The following PCDHA13 variants were observed in gnomAD, a reference collection of about 807,000 sequenced individuals.
The protein encoded by PCDHA13 is protocadherin alpha-13.
PCDHA13 carries 54 observed loss-of-function variants against 64.8 expected under a neutral mutation model. That is an observed-to-expected ratio of 0.83 (90% CI 0.67 to 1.04). The LOEUF (loss-of-function observed/expected upper bound fraction) is 1.04. Ranked by LOEUF, PCDHA13 falls within the 50% of genes least tolerant of loss-of-function variation. The probability of loss-of-function intolerance (pLI) is 0.00; values close to 1 mark genes in which losing one functional copy is unlikely to be tolerated. For missense variants in PCDHA13, 1,248 were observed against 1,254.3 expected (o/e 0.99, Z 0.08); for synonymous variants, 587 against 564.4 (o/e 1.04, Z -0.57).
At chr5:141,003,941 G>A (rs532794918) in intron 3 of PCDHA13, among the ~76,000 whole-genome samples, 1 of 152,236 alleles carries the variant, frequency 6.6e-6, no homozygotes, top group African/African-American at 2.4e-5. Flanking sequence ...TTTGCCTGAG[G>A]GTGAGCTAGG....
rs370989006 is a variant in PCDHA13, at chr5:141,009,739, C to G, written c.2655C>G (p.Pro885=). The G allele has an allele frequency of 1.2e-6, 2 of 1,614,010 alleles. No homozygotes were observed. Among genetic ancestry groups the G allele is most frequent in the Non-Finnish European group, 8.5e-7 (1 of 1,180,008 alleles). The change falls in exon 4 of 4, where the codon CCC becomes CCG. Residue 885 remains proline (P), a synonymous_variant. Transcript: ENST00000289272. ...AACAATCCGGTCCCGGTGAGTTGCCCGACAAATTCATTATCCCAGGATCTC... is the reference window on the plus strand; with the variant it reads ...AACAATCCGGTCCCGGTGAGTTGCCGGACAAATTCATTATCCCAGGATCTC... The part of the protein sequence containing the change: ...NPKQSGPGEL[P]DKFIIPGSPA...
At chr5:140,992,637 G>A (rs31872) in intron 3 of PCDHA13, among the ~76,000 whole-genome samples, 103,738 of 151,942 alleles carry the variant, frequency 0.68, 36,576 homozygotes, top group African/African-American at 0.86. Flanking sequence ...AACTTCCCTG[G>A]AAAATAGAAG....
At chr5:140,987,268 C>T (rs190952772) in intron 3 of PCDHA13, among the ~76,000 whole-genome samples, 177 of 151,894 alleles carry the variant, frequency 1.2e-3, no homozygotes, top group African/African-American at 4.1e-3. Flanking sequence ...GAATGGGACC[C>T]GGCAGTCTAT....
At chr5:140,891,330 T>G (rs995602420) in intron 1 of PCDHA13, among the ~76,000 whole-genome samples, 14 of 152,108 alleles carry the variant, frequency 9.2e-5, no homozygotes, top group Non-Finnish European at 1.9e-4. Flanking sequence ...TGGTGGTGAT[T>G]TGTGAGATTT....
chr5:140,891,934 T>C lies in PCDHA13; in HGVS notation c.2394+7272T>C, dbSNP rs373423866. Among the ~76,000 whole-genome samples the C allele has an allele frequency of 5.9e-5, 9 of 152,230 alleles. No homozygotes were observed. The East Asian group carries it at 9.6e-4, about 16-fold the overall frequency. ...AGATGCTGGTGCCTTGATCTTGGAC[T>C]TCCCCTAGGCTCCAGAATTGTGAGA... On this transcript the variant is annotated intron_variant, in intron 1 of 3. Transcript: ENST00000289272.
intron 3 of PCDHA13, among the ~76,000 whole-genome samples, chr5:140,988,469 G>A (rs2097299168): frequency 6.6e-6 from 1 of 152,150 alleles, no homozygotes; most frequent in Admixed American, 6.5e-5. Flanking sequence ...GGTGTGGGAA[G>A]GGGAATTAGC....
intron 1 of PCDHA13, among the ~76,000 whole-genome samples, chr5:140,893,560 T>C (rs964266537): frequency 4.6e-5 from 7 of 152,232 alleles, no homozygotes; most frequent in Admixed American, 4.6e-4. Flanking sequence ...AGTTGTAGTG[T>C]ACTTCCTCAG....
intron 1 of PCDHA13, chr5:140,926,610 C>A (rs2083401767): frequency 8.5e-6 from 3 of 352,484 alleles, no homozygotes; most frequent in African/African-American, 2.1e-5. Context: ...CTCGTCTCTG[C>A]ACCCCTAGGC....
intron 1 of PCDHA13, among the ~76,000 whole-genome samples, chr5:140,944,929 CT>C (rs2093712661): frequency 6.6e-6 from 1 of 152,052 alleles, no homozygotes; most frequent in Admixed American, 6.6e-5. Context: ...TGGTTTATGC[CT>C]TCTTTAGATG....
Position 141,009,653 on chromosome 5 carries a change from C to T in PCDHA13, c.2569C>T (p.Pro857Ser). ...ACCAGAGGCAGGAGAAGTGTCCCCTCCAGTCGGTGCGGGTGTCAACAGCAA... is the reference window on the plus strand; with the variant it reads ...ACCAGAGGCAGGAGAAGTGTCCCCTTCAGTCGGTGCGGGTGTCAACAGCAA... The part of the protein sequence containing the change: ...PEPEAGEVSP[P>S]VGAGVNSNSW... The change falls in exon 4 of 4, where the codon CCA becomes TCA. Residue 857 changes from proline (P) to serine (S), a missense_variant. Physicochemically the swap from Pro to Ser is moderately conservative, Grantham distance 74. Transcript: ENST00000289272. 1 of 1,613,998 alleles carries T rather than the reference C, an allele frequency of 6.2e-7. No individual in the cohort carries two copies. The highest frequency in any genetic ancestry group is 8.5e-7 in the Non-Finnish European group (1 of 1,179,950).
chr5:140,941,242 T>TC (rs1312617364), intron 1 of PCDHA13, among the ~76,000 whole-genome samples: 1 of 141,172 alleles, frequency 7.1e-6, no homozygotes, highest in East Asian at 2.0e-4. Flanking sequence ...TTTCTTTCTT[T>TC]CTTTCTTTCT....
chr5:140,969,249 A>G (rs1586364972), intron 1 of PCDHA13: 1 of 1,614,240 alleles, frequency 6.2e-7, no homozygotes, highest in Admixed American at 1.7e-5. Flanking sequence ...GCAGTGACTG[A>G]CAGCAGGAAT....
At chr5:140,955,343 A>G (rs1031411707) in intron 1 of PCDHA13, among the ~76,000 whole-genome samples, 16 of 152,134 alleles carry the variant, frequency 1.1e-4, no homozygotes, top group African/African-American at 3.9e-4. Context: ...TAATCCCCAC[A>G]TGTTGTGAGA....
intron 3 of PCDHA13, among the ~76,000 whole-genome samples, chr5:140,997,793 T>G (rs2097785892): frequency 6.6e-6 from 1 of 152,112 alleles, no homozygotes; most frequent in Non-Finnish European, 1.5e-5. Context: ...ATATTATAAT[T>G]TATCCAATTT....
At chr5:140,899,222 A>T (rs1377710696) in intron 1 of PCDHA13, among the ~76,000 whole-genome samples, 2 of 152,012 alleles carry the variant, frequency 1.3e-5, no homozygotes, top group Non-Finnish European at 2.9e-5. Context: ...AACTTCCAAC[A>T]CTATGTTGAA....
At chr5:140,941,191 T>TTTTCTTTCTTTCTTTC (rs1217097209) in intron 1 of PCDHA13, among the ~76,000 whole-genome samples, 1 of 93,206 alleles carries the variant, frequency 1.1e-5, no homozygotes, top group Admixed American at 1.2e-4. Flanking sequence ...GCTTCTTTTT[T>TTTTCTTTCTTTCTTTC]TTTCTTTCTT....
intron 1 of PCDHA13, chr5:140,969,344 T>G: frequency 6.2e-7 from 1 of 1,613,664 alleles, no homozygotes; most frequent in Non-Finnish European, 8.5e-7. Context: ...GAGACAGTGG[T>G]CAGGGGGTCT....
intron 1 of PCDHA13, among the ~76,000 whole-genome samples, chr5:140,924,769 C>T (rs988519447): frequency 1.3e-5 from 2 of 151,766 alleles, no homozygotes; most frequent in Admixed American, 6.6e-5. Flanking sequence ...GTGGTGCGCG[C>T]TTGTAGTCCT....
At chr5:140,947,706 A>G (rs2153680894) in intron 1 of PCDHA13, among the ~76,000 whole-genome samples, 1 of 151,686 alleles carries the variant, frequency 6.6e-6, no homozygotes, top group East Asian at 1.9e-4. Context: ...AGTTTTAAGT[A>G]TTGAGGTTTC....
Sources: allele counts gnomAD v4.1 joint callset (sites outside exome capture counted in the v4.1 genomes callset), GRCh38; gene constraint gnomAD v4.1.1; transcripts MANE v1.5; gene names NCBI Gene and HGNC (gene_info 2026-07-23, HGNC 2026-07-21).